Variants in SGCD observed in about 807,000 individuals in gnomAD.
SGCD encodes delta-sarcoglycan.
Under a neutral mutation model 36.6 loss-of-function variants are expected in SGCD, and 18 were observed. That is an observed-to-expected ratio of 0.49 (90% confidence interval 0.34 to 0.73). The LOEUF (loss-of-function observed/expected upper bound fraction) is 0.73, where lower values mean the gene tolerates loss of function less well. Ranked by LOEUF, SGCD falls within the 30% of genes least tolerant of loss-of-function variation. The probability of loss-of-function intolerance (pLI) is 0.01; values close to 1 mark genes in which losing one functional copy is unlikely to be tolerated. For synonymous variants in SGCD, 133 were observed against 130.6 expected (o/e 1.02, Z -0.12); for missense variants, 387 against 346.7 (o/e 1.12, Z -0.92).
intron 3 of SGCD, among the ~76,000 whole-genome samples, chr5:156,388,077 T>C (rs1164969612): frequency 6.6e-6 from 1 of 152,202 alleles, no homozygotes; most frequent in East Asian, 1.9e-4. Context: ...TTAAGAGCTG[T>C]GTAAGTTGGA....
chr5:156,257,241 G>A lies in SGCD; in HGVS notation c.-43-72293G>A, dbSNP rs1209829428. On this transcript the variant is annotated intron_variant, in intron 3 of 9. Transcript: ENST00000517913. Reference sequence around the variant, plus strand: ...TGTAATCTCAACACTTTGGGAGGCCGAGGCGGGCGGATCACGAGGTCAAGA... The same window carrying A: ...TGTAATCTCAACACTTTGGGAGGCCAAGGCGGGCGGATCACGAGGTCAAGA... Among the ~76,000 whole-genome samples, 5 of 152,140 alleles carry A rather than the reference G, an allele frequency of 3.3e-5. No homozygotes were observed. The South Asian group carries it at 6.2e-4, about 19-fold the overall frequency.
chr5:156,559,485 A>G (rs1759185521), intron 4 of SGCD, among the ~76,000 whole-genome samples: 1 of 152,174 alleles, frequency 6.6e-6, no homozygotes, highest in Admixed American at 6.6e-5. Flanking sequence ...CTGCATGAAA[A>G]ATCTATGGTG....
intron 1 of SGCD, among the ~76,000 whole-genome samples, chr5:156,114,376 C>G (rs899143866): frequency 6.6e-6 from 1 of 152,104 alleles, no homozygotes. Flanking sequence ...TACCCTCACG[C>G]AAGCCACAAC....
At position 156,760,773 on chromosome 5, in the gene SGCD, A is replaced by G. The variant is rs1446278738; in HGVS notation, c.*1383A>G. The G allele has an allele frequency of 6.6e-6, 1 of 152,646 alleles. No homozygotes were observed. The highest frequency in any genetic ancestry group is 2.4e-5 in the African/African-American group (1 of 41,448). 9.5% of individuals were successfully genotyped at this position (152,646 alleles called of 1,614,324 possible). On this transcript the variant is annotated 3_prime_UTR_variant, in exon 9 of 9. Coordinates refer to ENST00000337851, the MANE Select transcript of SGCD (RefSeq NM_000337.6). The stretch of plus-strand genomic sequence containing the variant: ...ACAGGGGATTACACCATCTCTGTTC[A>G]AAGAGGGGGAAATGTGCCTATGCCT...
chr5:156,055,245 G>A (rs550359180), intron 1 of SGCD, among the ~76,000 whole-genome samples: 1 of 143,326 alleles, frequency 7.0e-6, no homozygotes, highest in East Asian at 2.0e-4. Flanking sequence ...ACAAAATAAA[G>A]TAGCCTCTGA....
At chr5:156,150,639 A>G (rs17053251) in intron 3 of SGCD, among the ~76,000 whole-genome samples, 8,356 of 151,618 alleles carry the variant, frequency 0.055, 769 homozygotes, top group African/African-American at 0.16. Context: ...TGTTGGAAGG[A>G]CACAGGATTT....
intron 3 of SGCD, among the ~76,000 whole-genome samples, chr5:156,191,140 A>G (rs75064101): frequency 0.026 from 4,010 of 152,190 alleles, 169 homozygotes; most frequent in African/African-American, 0.088. Context: ...TACAGAGTAC[A>G]TGATATCCAG....
chr5:156,529,184 T>C (rs1165686178), intron 4 of SGCD, among the ~76,000 whole-genome samples: 1 of 152,034 alleles, frequency 6.6e-6, no homozygotes, highest in African/African-American at 2.4e-5. Context: ...CCCAGCACTT[T>C]GGAAGGCTGA....
chr5:156,248,577 C>T (rs2127659599), intron 3 of SGCD, among the ~76,000 whole-genome samples: 1 of 152,072 alleles, frequency 6.6e-6, no homozygotes, highest in South Asian at 2.1e-4. Context: ...GAGAAAAATG[C>T]AAGGGGAACC....
intron 3 of SGCD, among the ~76,000 whole-genome samples, chr5:156,388,896 C>A (rs2127753211): frequency 6.6e-6 from 1 of 152,298 alleles, no homozygotes. Flanking sequence ...CAATGCCAGC[C>A]TTGTAAAATC....
At chr5:156,404,576 T>C (rs1044721625) in intron 3 of SGCD, among the ~76,000 whole-genome samples, 1 of 152,136 alleles carries the variant, frequency 6.6e-6, no homozygotes, top group Non-Finnish European at 1.5e-5. Flanking sequence ...AATCTCAAAT[T>C]CCTCCTCACT....
intron 1 of SGCD, among the ~76,000 whole-genome samples, chr5:155,984,741 G>A (rs1177716846): frequency 1.3e-5 from 2 of 152,152 alleles, no homozygotes; most frequent in Admixed American, 6.5e-5. Context: ...GAATGTCAGT[G>A]CTTCAGGAAG....
intron 3 of SGCD, among the ~76,000 whole-genome samples, chr5:156,299,855 CA>C (rs2127683664): frequency 6.6e-6 from 1 of 152,112 alleles, no homozygotes; most frequent in Non-Finnish European, 1.5e-5. Context: ...TAGGTGTTTC[CA>C]AATGTAAGAT....
At chr5:155,857,150 T>G in the SGCD span, among the ~76,000 whole-genome samples, 7 of 152,146 alleles carry the variant, frequency 4.6e-5, no homozygotes, top group African/African-American at 1.7e-4. Context: ...GGCAGGAGAA[T>G]TGCTTGATCC....
At chr5:155,853,193 A>T in the SGCD span, among the ~76,000 whole-genome samples, 1 of 149,970 alleles carries the variant, frequency 6.7e-6, no homozygotes, top group African/African-American at 2.5e-5. Context: ...CTGTTATTTA[A>T]CAGTTGATTG....
At chr5:156,670,741 G>A (rs572662689) in intron 7 of SGCD, among the ~76,000 whole-genome samples, 7 of 152,162 alleles carry the variant, frequency 4.6e-5, no homozygotes, top group Non-Finnish European at 8.8e-5. Flanking sequence ...TAATATGAAT[G>A]AGAGTAAGAC....
chr5:155,769,133 A>G, the SGCD span, among the ~76,000 whole-genome samples: 1 of 152,168 alleles, frequency 6.6e-6, no homozygotes, highest in Non-Finnish European at 1.5e-5. Flanking sequence ...TTCATAATAT[A>G]TACAGTAAAA....
intron 4 of SGCD, among the ~76,000 whole-genome samples, chr5:156,537,768 C>G (rs1489127252): frequency 6.6e-6 from 1 of 151,838 alleles, no homozygotes; most frequent in Admixed American, 6.6e-5. Flanking sequence ...CCATCCCATC[C>G]TGTATACAAG....
chr5:155,881,973 C>A (rs1755897219), intron 1 of SGCD, among the ~76,000 whole-genome samples: 1 of 152,166 alleles, frequency 6.6e-6, no homozygotes, highest in Admixed American at 6.5e-5. Flanking sequence ...GCTGTTGCTA[C>A]CATATCTGCA....
Sources: gnomAD v4.1 joint callset for allele counts (sites outside exome capture counted in the v4.1 genomes callset) on GRCh38, gnomAD v4.1.1 for gene constraint, MANE v1.5 for transcripts, NCBI Gene and HGNC (gene_info 2026-07-23, HGNC 2026-07-21) for gene names.